EMCN: variants seen among roughly 807,000 people sequenced by gnomAD.
EMCN encodes endomucin.
Under a neutral mutation model 38.4 loss-of-function variants are expected in EMCN, and 37 were observed. The ratio of observed to expected loss-of-function variants is 0.96; its 90% CI spans 0.74 to 1.27. The LOEUF (loss-of-function observed/expected upper bound fraction) is 1.27. Ranked by LOEUF, EMCN falls within the 50% of genes most tolerant of loss-of-function variation. The pLI is 0.00. For missense variants in EMCN, 318 were observed against 302.8 expected (o/e 1.05, Z -0.37); for synonymous variants, 95 against 100.8 (o/e 0.94, Z 0.35).
rs186383730 is a variant in EMCN, at chr4:100,439,553, T to C, written c.415+7980A>G. On this transcript the variant is annotated intron_variant, in intron 5 of 11. Coordinates refer to ENST00000296420, the MANE Select transcript of EMCN (RefSeq NM_016242.4). ...TTTTCATTTAGACCAGCTAAAGGTTTATCCATTTTTTTTTATTTTTTGAAA... is the reference window on the plus strand; with the variant it reads ...TTTTCATTTAGACCAGCTAAAGGTTCATCCATTTTTTTTTATTTTTTGAAA... Among the ~76,000 whole-genome samples the C allele has an allele frequency of 3.7e-3, 541 of 148,140 alleles. 6 individuals carry two copies. The highest frequency in any genetic ancestry group is 0.012 in the African/African-American group (512 of 41,074).
At chr4:100,419,195 C>T (rs1229764834) in intron 8 of EMCN, among the ~76,000 whole-genome samples, 2 of 152,202 alleles carry the variant, frequency 1.3e-5, no homozygotes, top group Non-Finnish European at 2.9e-5. Context: ...AGTCCACTGT[C>T]AACCTTGTCC....
At chr4:100,464,017 A>T (rs576915012) in intron 4 of EMCN, among the ~76,000 whole-genome samples, 1 of 152,208 alleles carries the variant, frequency 6.6e-6, no homozygotes, top group African/African-American at 2.4e-5. Context: ...GAGAATTATC[A>T]TTTAAAATAT....
chr4:100,398,229 T>G lies in EMCN; in HGVS notation c.*184A>C, dbSNP rs1448450128. ...GGAGAGCCCCGGGGTTCTTTTTGAT[T>G]CCATCAAATTATTGCATGTCAGCTG... On this transcript the variant is annotated 3_prime_UTR_variant, in exon 12 of 12. Coordinates refer to ENST00000296420, the MANE Select transcript of EMCN (RefSeq NM_016242.4). The G allele has an allele frequency of 6.6e-6, 1 of 152,128 alleles. No homozygotes were observed. Among genetic ancestry groups the G allele is most frequent in the Non-Finnish European group, 1.5e-5 (1 of 68,024 alleles). The allele number at this position is 152,128 out of a possible 1,614,324, so 9.4% of individuals were successfully genotyped here. A position where few individuals can be genotyped will look rare whatever the true frequency, so the allele number is the denominator to read the frequency against.
intron 5 of EMCN, among the ~76,000 whole-genome samples, chr4:100,439,845 A>G (rs538804387): frequency 2.9e-3 from 434 of 152,010 alleles, no homozygotes; most frequent in African/African-American, 0.01. Flanking sequence ...TGTTTGTCTC[A>G]AGATATTTTT....
At chr4:100,491,477 C>G (rs1560638526) in intron 1 of EMCN, among the ~76,000 whole-genome samples, 2 of 152,094 alleles carry the variant, frequency 1.3e-5, no homozygotes, top group East Asian at 1.9e-4. Context: ...AGTGTTCAGC[C>G]AAACCTAAAA....
At chr4:100,475,224 T>A in intron 2 of EMCN, 115 bp from the exon 3 acceptor site, 1 of 446,336 alleles carries the variant, frequency 2.2e-6, no homozygotes, top group East Asian at 3.8e-5. Context: ...CTATCTTTAA[T>A]TTTTCCCATT....
At chr4:100,442,818 A>C (rs1727560762) in intron 5 of EMCN, among the ~76,000 whole-genome samples, 1 of 151,542 alleles carries the variant, frequency 6.6e-6, no homozygotes, top group African/African-American at 2.4e-5. Context: ...TGAATCTCCA[A>C]GTTTCCTTCA....
chr4:100,434,337 C>G (rs777013237), intron 5 of EMCN, among the ~76,000 whole-genome samples: 21 of 114,752 alleles, frequency 1.8e-4, no homozygotes, highest in Non-Finnish European at 3.1e-4. Flanking sequence ...CTGAATAGAC[C>G]AAAAATGAGT....
At chr4:100,442,979 A>T (rs941510276) in intron 5 of EMCN, among the ~76,000 whole-genome samples, 1 of 152,172 alleles carries the variant, frequency 6.6e-6, no homozygotes, top group African/African-American at 2.4e-5. Flanking sequence ...CCTCCCAAGT[A>T]GCTGGCATTA....
At chr4:100,450,513 A>AAT (rs1727807882) in intron 4 of EMCN, among the ~76,000 whole-genome samples, 1 of 151,962 alleles carries the variant, frequency 6.6e-6, no homozygotes, top group Non-Finnish European at 1.5e-5. Context: ...ACAAGAGAAA[A>AAT]ATATATACAT....
chr4:100,504,702 C>G (rs1489820033), intron 1 of EMCN, among the ~76,000 whole-genome samples: 1 of 152,206 alleles, frequency 6.6e-6, no homozygotes, highest in Non-Finnish European at 1.5e-5. Context: ...TGGGAAGACG[C>G]CTTTTGCCAA....
chr4:100,444,607 G>A lies in EMCN; in HGVS notation c.415+2926C>T, dbSNP rs541316713. Among the ~76,000 whole-genome samples the A allele has an allele frequency of 5.9e-5, 9 of 152,252 alleles. No homozygotes were observed. The East Asian group carries it at 1.5e-3, about 26-fold the overall frequency. On this transcript the variant is annotated intron_variant, in intron 5 of 11. Coordinates refer to ENST00000296420, the MANE Select transcript of EMCN (RefSeq NM_016242.4). The stretch of plus-strand genomic sequence containing the variant: ...TAACTGGAATGTGGGGAGTGGAGTA[G>A]CTCCACGGAACTTGGCCCTAGAGGG...
intron 3 of EMCN, among the ~76,000 whole-genome samples, chr4:100,470,156 T>C (rs897783271): frequency 6.6e-6 from 1 of 151,936 alleles, no homozygotes; most frequent in African/African-American, 2.4e-5. Context: ...AACAAAAGTC[T>C]AATATTCCGC....
At position 100,440,735 on chromosome 4, in the gene EMCN, C is replaced by T. The variant is rs150695701; in HGVS notation, c.415+6798G>A. 1.5e-3 allele frequency among the ~76,000 whole-genome samples: 227 copies of T among 152,046 alleles called. 1 individual carries two copies. Among genetic ancestry groups the T allele is most frequent in the African/African-American group, 4.8e-3 (199 of 41,462 alleles). On this transcript the variant is annotated intron_variant, in intron 5 of 11. Coordinates refer to ENST00000296420, the MANE Select transcript of EMCN (RefSeq NM_016242.4). ...AATCATGTTACTATAAACATACATG[C>T]GCAAGTGTATTTTTAATATGACGAC... is the stretch of plus-strand genomic sequence containing the variant.
intron 1 of EMCN, among the ~76,000 whole-genome samples, chr4:100,515,974 T>C (rs1385072753): frequency 6.7e-6 from 1 of 149,068 alleles, no homozygotes; most frequent in African/African-American, 2.5e-5. Context: ...CATAGCCTCC[T>C]CTCTAAGACA....
At chr4:100,440,319 G>A (rs1255091908) in intron 5 of EMCN, among the ~76,000 whole-genome samples, 1 of 151,916 alleles carries the variant, frequency 6.6e-6, no homozygotes, top group Admixed American at 6.6e-5. Flanking sequence ...TGAATTCTGA[G>A]GTTTTAGTGC....
At position 100,439,536 on chromosome 4, in the gene EMCN, T is replaced by C. The variant is rs529323102; in HGVS notation, c.415+7997A>G. On this transcript the variant is annotated intron_variant, in intron 5 of 11. Coordinates refer to ENST00000296420, the MANE Select transcript of EMCN (RefSeq NM_016242.4). ...TTATTAGTCTTCCCTTTTTTTCATT[T>C]AGACCAGCTAAAGGTTTATCCATTT... 1.3e-4 allele frequency among the ~76,000 whole-genome samples: 20 copies of C among 151,344 alleles called. No homozygotes were observed. The East Asian group carries it at 3.7e-3, about 28-fold the overall frequency.
chr4:100,467,055 A>G (rs1226225949), intron 3 of EMCN, among the ~76,000 whole-genome samples: 1 of 152,168 alleles, frequency 6.6e-6, no homozygotes, highest in Non-Finnish European at 1.5e-5. Context: ...AAGGAGAAAA[A>G]TAATGGAATA....
intron 8 of EMCN, among the ~76,000 whole-genome samples, chr4:100,420,562 T>A (rs72919546): frequency 0.046 from 7,021 of 151,996 alleles, 576 homozygotes; most frequent in African/African-American, 0.16. Flanking sequence ...AAGGGGTATT[T>A]AGGTGAAGGT....
Sources: allele counts gnomAD v4.1 joint callset (sites outside exome capture counted in the v4.1 genomes callset), GRCh38; gene constraint gnomAD v4.1.1; transcripts MANE v1.5; gene names NCBI Gene and HGNC (gene_info 2026-07-23, HGNC 2026-07-21).